Variants in GLIS1 observed in about 807,000 individuals in gnomAD.
The protein encoded by GLIS1 is zinc finger protein GLIS1.
A neutral mutation model predicts 63.8 loss-of-function variants in GLIS1; 24 were observed. The ratio of observed to expected loss-of-function variants is 0.38; its 90% CI spans 0.27 to 0.53. GLIS1 has a LOEUF of 0.53. Among genes scored for constraint, GLIS1 ranks in the 20% least tolerant of loss-of-function variants. The pLI is 0.85. For missense variants in GLIS1, 1,036 were observed against 1,074.1 expected (o/e 0.96, Z 0.50); for synonymous variants, 450 against 482.5 (o/e 0.93, Z 0.88).
intron 4 of GLIS1, among the ~76,000 whole-genome samples, chr1:53,581,602 T>C (rs1352233331): frequency 1.3e-5 from 2 of 152,046 alleles, no homozygotes; most frequent in African/African-American, 4.8e-5. Context: ...AGGTGGAATA[T>C]AGGGGCAGAC....
At chr1:53,521,661 C>T (rs758240652) in intron 6 of GLIS1, among the ~76,000 whole-genome samples, 3 of 152,162 alleles carry the variant, frequency 2.0e-5, no homozygotes, top group South Asian at 2.1e-4. Context: ...ATCATGGGCA[C>T]GATGGATCAG....
chr1:53,519,320 A>G (rs1158451343), intron 7 of GLIS1, among the ~76,000 whole-genome samples: 1 of 152,100 alleles, frequency 6.6e-6, no homozygotes, highest in African/African-American at 2.4e-5. Flanking sequence ...AAACCCCTGG[A>G]AAGGGGGACC....
intron 4 of GLIS1, among the ~76,000 whole-genome samples, chr1:53,590,628 C>T (rs1448495320): frequency 6.6e-6 from 1 of 152,138 alleles, no homozygotes; most frequent in Non-Finnish European, 1.5e-5. Context: ...GGAGTCGTCG[C>T]GTCAGTATTT....
intron 2 of GLIS1, among the ~76,000 whole-genome samples, chr1:53,713,075 A>G (rs1303907121): frequency 6.6e-6 from 1 of 152,280 alleles, no homozygotes; most frequent in Non-Finnish European, 1.5e-5. Context: ...CGTTGTAGAA[A>G]GAAGAGGTGA....
In GLIS1 at chr1:53,737,857, G is replaced by A. The variant is rs543291070; in HGVS notation, c.208C>T (p.Pro70Ser). Reference protein sequence around the residue: ...PPPRAHDLLRPRSPRDYGPSK... With the variant: ...PPPRAHDLLRSRSPRDYGPSK... ...GGACCGTAGTCTCGGGGACTGCGGG[G>A]CCGGAGGAGGTCGTGGGCGCGCGGT... is the stretch of plus-strand genomic sequence containing the variant. The change falls in exon 2 of 11, where the codon CCC (proline) becomes TCC (serine). Residue 70 changes from proline to serine, a missense_variant. This residue lies in a region of GLIS1 where 592 missense variants were observed against 593.9 expected (regional missense o/e 1.00). Transcript: ENST00000628545. 1 of 1,231,118 alleles carries A rather than the reference G, an allele frequency of 8.1e-7. No homozygotes were observed. Among genetic ancestry groups the A allele is most frequent in the South Asian group, 4.1e-5 (1 of 24,318 alleles). 76.3% of individuals were successfully genotyped at this position (1,231,118 alleles called of 1,614,324 possible). A position where few individuals can be genotyped will look rare whatever the true frequency, so the allele number is the denominator to read the frequency against.
chr1:53,685,864 T>G (rs1557521238), intron 2 of GLIS1, among the ~76,000 whole-genome samples: 1 of 152,124 alleles, frequency 6.6e-6, no homozygotes, highest in Non-Finnish European at 1.5e-5. Context: ...CCGCTGCCAC[T>G]GTGCTGAGCC....
chr1:53,642,758 G>A (rs747187439), intron 2 of GLIS1, among the ~76,000 whole-genome samples: 1 of 152,022 alleles, frequency 6.6e-6, no homozygotes, highest in Admixed American at 6.5e-5. Flanking sequence ...CCACTCACCC[G>A]TCTTGTATCA....
At chr1:53,541,880 C>T (rs1644647023) in intron 4 of GLIS1, among the ~76,000 whole-genome samples, 1 of 152,240 alleles carries the variant, frequency 6.6e-6, no homozygotes, top group African/African-American at 2.4e-5. Context: ...GTTCATCCTG[C>T]AGCTGGGGGA....
At chr1:53,719,732 G>A (rs1646734750) in intron 2 of GLIS1, among the ~76,000 whole-genome samples, 2 of 152,042 alleles carry the variant, frequency 1.3e-5, no homozygotes, top group Non-Finnish European at 2.9e-5. Flanking sequence ...GGAGAAAGGG[G>A]GATACTCAGA....
chr1:53,593,914 C>T (rs1013224465), intron 4 of GLIS1, among the ~76,000 whole-genome samples, 194 bp downstream of exon 4: 10 of 152,226 alleles, frequency 6.6e-5, no homozygotes, highest in East Asian at 1.9e-4. Flanking sequence ...CCCTCTGCCA[C>T]GGTTCCCAGT....
chr1:53,611,006 A>G (rs937588519), intron 2 of GLIS1, among the ~76,000 whole-genome samples: 4 of 151,738 alleles, frequency 2.6e-5, no homozygotes, highest in Admixed American at 6.6e-5. Context: ...AAAATTTTTC[A>G]TTTTATTAAT....
intron 4 of GLIS1, among the ~76,000 whole-genome samples, chr1:53,552,563 G>A (rs1487452758): frequency 6.6e-6 from 1 of 152,210 alleles, no homozygotes; most frequent in East Asian, 1.9e-4. Context: ...TTCCTCTGGG[G>A]TGATTTACAT....
chr1:53,728,412 T>C (rs1646826481), intron 2 of GLIS1, among the ~76,000 whole-genome samples: 1 of 152,188 alleles, frequency 6.6e-6, no homozygotes, highest in African/African-American at 2.4e-5. Flanking sequence ...TGTTAACACA[T>C]TCCACCCTCA....
intron 7 of GLIS1, among the ~76,000 whole-genome samples, chr1:53,515,342 AGATAT>A (rs1232671801): frequency 6.6e-6 from 1 of 151,994 alleles, no homozygotes; most frequent in Non-Finnish European, 1.5e-5. Context: ...CCTCCCCCAG[AGATAT>A]GCAAGCAGAG....
intron 2 of GLIS1, among the ~76,000 whole-genome samples, chr1:53,734,406 G>A (rs371146630): frequency 6.6e-6 from 1 of 152,164 alleles, no homozygotes; most frequent in East Asian, 1.9e-4. Flanking sequence ...CTCTGGGAAC[G>A]TTCAGAAGGC....
chr1:53,643,866 G>C (rs1260229470), intron 2 of GLIS1, among the ~76,000 whole-genome samples: 2 of 152,194 alleles, frequency 1.3e-5, no homozygotes, highest in Non-Finnish European at 2.9e-5. Flanking sequence ...CAGTAAGCTA[G>C]GGGGTACAGA....
rs116469352 is a variant in GLIS1, at chr1:53,611,946, A to G, written c.260-11668T>C. On this transcript the variant is annotated intron_variant, in intron 2 of 10. Coordinates refer to ENST00000628545, the MANE Select transcript of GLIS1 (RefSeq NM_001367484.1). ...ACTCCCAGGCTCAAGGGATCCTCCC[A>G]CCAGAGCCTCCCAAGTAGCTGGGAC... 3.5e-3 allele frequency among the ~76,000 whole-genome samples: 534 copies of G among 152,274 alleles called. 5 individuals are homozygous for G. Among genetic ancestry groups the G allele is most frequent in the African/African-American group, 0.012 (513 of 41,566 alleles).
At chr1:53,673,244 C>T (rs1354479321) in intron 2 of GLIS1, among the ~76,000 whole-genome samples, 3 of 152,098 alleles carry the variant, frequency 2.0e-5, no homozygotes, top group Non-Finnish European at 2.9e-5. Flanking sequence ...AGTGGAACGC[C>T]GCAGTGATTT....
At chr1:53,612,084 A>G (rs903113510) in intron 2 of GLIS1, among the ~76,000 whole-genome samples, 3 of 152,072 alleles carry the variant, frequency 2.0e-5, no homozygotes, top group Non-Finnish European at 4.4e-5. Context: ...TTCCCCCCTC[A>G]ACTTCCTAAA....
Sources: gnomAD v4.1 joint callset for allele counts (sites outside exome capture counted in the v4.1 genomes callset) on GRCh38, gnomAD v4.1.1 for gene constraint, gnomAD v4.1.1 regional missense constraint, MANE v1.5 for transcripts, NCBI Gene and HGNC (gene_info 2026-07-23, HGNC 2026-07-21) for gene names.